Variants in TMEM117 observed in about 807,000 individuals in gnomAD.
The protein encoded by TMEM117 is transmembrane protein 117.
In TMEM117, 27 loss-of-function variants were observed where a neutral mutation model predicts 52.4. The ratio of observed to expected loss-of-function variants is 0.51; its 90% CI spans 0.38 to 0.71. The LOEUF is 0.71. TMEM117 is among the 30% of genes least tolerant of loss of function. The probability of loss-of-function intolerance (pLI) is 0.00; values close to 1 mark genes in which losing one functional copy is unlikely to be tolerated. For synonymous variants in TMEM117, 215 were observed against 206.3 expected (o/e 1.04, Z -0.36); for missense variants, 556 against 630.5 (o/e 0.88, Z 1.26).
upstream of TMEM117, among the ~76,000 whole-genome samples, chr12:43,830,990 T>C (rs1416719951): frequency 2.6e-5 from 4 of 152,176 alleles, no homozygotes; most frequent in African/African-American, 9.7e-5. Context: ...ATGGCCATCT[T>C]TTCACAAGCA....
chr12:44,328,598 CTT>C (rs1373354080), intron 6 of TMEM117, among the ~76,000 whole-genome samples: 1 of 151,836 alleles, frequency 6.6e-6, no homozygotes, highest in East Asian at 1.9e-4. Flanking sequence ...ACTGATATAA[CTT>C]ATAACTAAAA....
At position 43,929,141 on chromosome 12, in the gene TMEM117, C is replaced by A. The variant is rs528166309; in HGVS notation, c.278-15069C>A. Reference sequence around the variant, plus strand: ...GGGATGGCTGGGTCAAATGGTATTTCTAGTTCTAGATCCCTGAGGAATGGC... The same window carrying A: ...GGGATGGCTGGGTCAAATGGTATTTATAGTTCTAGATCCCTGAGGAATGGC... On this transcript the variant is annotated intron_variant, in intron 2 of 7. Coordinates refer to ENST00000266534, the MANE Select transcript of TMEM117 (RefSeq NM_032256.3). Among the ~76,000 whole-genome samples, 284 of 152,146 alleles carry A rather than the reference C, an allele frequency of 1.9e-3. 3 individuals carry two copies. The highest frequency in any genetic ancestry group is 6.5e-3 in the African/African-American group (268 of 41,516).
At chr12:44,267,494 G>A (rs1010022399) in intron 5 of TMEM117, among the ~76,000 whole-genome samples, 3 of 152,164 alleles carry the variant, frequency 2.0e-5, no homozygotes, top group Admixed American at 6.5e-5. Flanking sequence ...CTAAAAGTTT[G>A]CTCCCAATTT....
At chr12:44,129,983 C>G (rs542556021) in intron 3 of TMEM117, among the ~76,000 whole-genome samples, 10 of 152,254 alleles carry the variant, frequency 6.6e-5, no homozygotes, top group African/African-American at 2.4e-4. Context: ...CAGCCTCGAT[C>G]ATATTTCAGG....
At chr12:43,807,070 C>T in the TMEM117 span, among the ~76,000 whole-genome samples, 1 of 152,030 alleles carries the variant, frequency 6.6e-6, no homozygotes, top group Non-Finnish European at 1.5e-5. Context: ...TTTTCCTTTC[C>T]TGCTTTTACA....
intron 6 of TMEM117, among the ~76,000 whole-genome samples, chr12:44,332,850 T>C (rs1050571132): frequency 4.6e-4 from 70 of 152,110 alleles, no homozygotes; most frequent in African/African-American, 1.5e-3. Context: ...AGTATAATTC[T>C]CTGTGTGTGT....
At chr12:43,947,393 C>A (rs960317158) in intron 3 of TMEM117, among the ~76,000 whole-genome samples, 3 of 152,058 alleles carry the variant, frequency 2.0e-5, no homozygotes, top group African/African-American at 7.2e-5. Context: ...GTATAATTAA[C>A]TTTTATGACA....
At chr12:44,187,750 T>C (rs1949297388) in intron 4 of TMEM117, among the ~76,000 whole-genome samples, 1 of 152,120 alleles carries the variant, frequency 6.6e-6, no homozygotes, top group Non-Finnish European at 1.5e-5. Context: ...ATTTGTTTTT[T>C]TAGATGGCTG....
chr12:43,848,411 C>A (rs1014018755), intron 2 of TMEM117, among the ~76,000 whole-genome samples: 7 of 152,068 alleles, frequency 4.6e-5, no homozygotes, highest in Non-Finnish European at 8.8e-5. Flanking sequence ...GACCTCCCCC[C>A]AGAAATGCAT....
intron 5 of TMEM117, among the ~76,000 whole-genome samples, chr12:44,290,878 A>G (rs918677340): frequency 6.6e-5 from 10 of 152,084 alleles, no homozygotes; most frequent in African/African-American, 2.2e-4. Flanking sequence ...CAATCTCAAG[A>G]TCCTCCTACC....
At chr12:44,373,771 C>CTTTTTTTT (rs142046499) in intron 6 of TMEM117, among the ~76,000 whole-genome samples, 7 of 60,078 alleles carry the variant, frequency 1.2e-4, no homozygotes, top group Admixed American at 2.8e-4. Context: ...TGTCCATTTC[C>CTTTTTTTT]TTTTTTTTTT....
intron 3 of TMEM117, among the ~76,000 whole-genome samples, chr12:44,046,641 G>A (rs924215883): frequency 1.3e-5 from 2 of 152,212 alleles, no homozygotes; most frequent in Admixed American, 6.5e-5. Context: ...GAAGAAGGTA[G>A]TCATCAATAC....
chr12:44,121,841 T>C (rs1380020471), intron 3 of TMEM117, among the ~76,000 whole-genome samples: 1 of 152,130 alleles, frequency 6.6e-6, no homozygotes, highest in Non-Finnish European at 1.5e-5. Context: ...AATTTTTTTA[T>C]CTTCATGCTC....
In TMEM117 at chr12:44,281,798, A is replaced by G. The variant is rs900563920; in HGVS notation, c.609-17782A>G. Among the ~76,000 whole-genome samples the G allele has an allele frequency of 2.0e-5, 3 of 152,178 alleles. No individual in the cohort carries two copies. In the East Asian group the frequency reaches 5.8e-4, roughly 29 times the overall value. ...TATAGTTCTTCCTGGCATTGTCTGT[A>G]TTAATGGGCATTAATCTATTGCCAT... On this transcript the variant is annotated intron_variant, in intron 5 of 7. Coordinates refer to ENST00000266534, the MANE Select transcript of TMEM117 (RefSeq NM_032256.3).
At chr12:44,283,520 T>C (rs975241517) in intron 5 of TMEM117, among the ~76,000 whole-genome samples, 1 of 152,186 alleles carries the variant, frequency 6.6e-6, no homozygotes, top group Non-Finnish European at 1.5e-5. Context: ...CAGACTTACA[T>C]GGGCTCTGCA....
At chr12:43,949,159 G>T (rs1404491285) in intron 3 of TMEM117, among the ~76,000 whole-genome samples, 1 of 152,170 alleles carries the variant, frequency 6.6e-6, no homozygotes, top group African/African-American at 2.4e-5. Flanking sequence ...GGGACATAAG[G>T]CAGAGTGAGA....
At chr12:44,359,082 A>G (rs1951688541) in intron 6 of TMEM117, among the ~76,000 whole-genome samples, 1 of 152,108 alleles carries the variant, frequency 6.6e-6, no homozygotes, top group South Asian at 2.1e-4. Context: ...CCAGAGCTGA[A>G]AAGGAATTTC....
At chr12:44,258,002 G>A (rs577590466) in intron 5 of TMEM117, among the ~76,000 whole-genome samples, 1 of 152,042 alleles carries the variant, frequency 6.6e-6, no homozygotes, top group South Asian at 2.1e-4. Flanking sequence ...AGGAAACCTG[G>A]AGATTATTAA....
intron 4 of TMEM117, among the ~76,000 whole-genome samples, chr12:44,199,438 C>T (rs1949463664): frequency 6.6e-6 from 1 of 152,044 alleles, no homozygotes; most frequent in Admixed American, 6.6e-5. Context: ...ATAATTTCAC[C>T]TAAAATATTG....
Sources: allele counts gnomAD v4.1 joint callset (sites outside exome capture counted in the v4.1 genomes callset), GRCh38; gene constraint gnomAD v4.1.1; transcripts MANE v1.5; gene names NCBI Gene and HGNC (gene_info 2026-07-23, HGNC 2026-07-21).